Variants in DOCK1 observed in about 807,000 individuals in gnomAD.
The protein encoded by DOCK1 is dedicator of cytokinesis 1.
DOCK1 carries 138 observed loss-of-function variants against 262.7 expected under a neutral mutation model. The ratio of observed to expected loss-of-function variants is 0.53; its 90% CI spans 0.46 to 0.61. The LOEUF (loss-of-function observed/expected upper bound fraction) is 0.61, where lower values mean the gene tolerates loss of function less well. DOCK1 is among the 20% of genes least tolerant of loss of function. DOCK1 has a pLI of 0.00. For synonymous variants in DOCK1, 866 were observed against 867.4 expected (o/e 1.00, Z 0.03); for missense variants, 1,908 against 2,370.7 (o/e 0.80, Z 4.05).
intron 4 of DOCK1, among the ~76,000 whole-genome samples, chr10:126,985,541 GC>G (rs1565032328): frequency 6.6e-6 from 1 of 152,138 alleles, no homozygotes; most frequent in Non-Finnish European, 1.5e-5. Context: ...ATGCACTGAG[GC>G]CCTATTCACA....
At chr10:127,329,590 G>T in intron 29 of DOCK1, among the ~76,000 whole-genome samples, 1 of 151,936 alleles carries the variant, frequency 6.6e-6, no homozygotes, top group Non-Finnish European at 1.5e-5. Flanking sequence ...TTATTTGCCG[G>T]GATGGAGTCT....
chr10:127,255,931 T>C (rs138731555), intron 28 of DOCK1, among the ~76,000 whole-genome samples: 1 of 152,350 alleles, frequency 6.6e-6, no homozygotes, highest in East Asian at 1.9e-4. Context: ...TGAATTTCAA[T>C]AATTAAACTG....
intron 23 of DOCK1, among the ~76,000 whole-genome samples, chr10:127,088,233 T>C (rs2047314083): frequency 2.0e-5 from 3 of 152,232 alleles, no homozygotes. Flanking sequence ...CTTTTGTCCT[T>C]TTCGCTTATT....
At chr10:127,356,672 T>A (rs941031109) in intron 32 of DOCK1, among the ~76,000 whole-genome samples, 15 of 151,960 alleles carry the variant, frequency 9.9e-5, no homozygotes, top group Non-Finnish European at 2.1e-4. Context: ...GGGGGGCTGT[T>A]CTCTGTTGGA....
At chr10:127,186,488 T>C (rs1012428334) in intron 27 of DOCK1, among the ~76,000 whole-genome samples, 2 of 112,204 alleles carry the variant, frequency 1.8e-5, no homozygotes, top group Non-Finnish European at 3.3e-5. Flanking sequence ...ACAATCATGA[T>C]AACAGCATGG....
At chr10:127,356,321 G>T (rs149970812) in intron 32 of DOCK1, among the ~76,000 whole-genome samples, 2 of 152,218 alleles carry the variant, frequency 1.3e-5, no homozygotes, top group Non-Finnish European at 2.9e-5. Flanking sequence ...CGTGAGGCCT[G>T]ATTCACATGG....
intron 28 of DOCK1, among the ~76,000 whole-genome samples, chr10:127,252,627 C>G (rs2059691612): frequency 6.6e-6 from 1 of 150,700 alleles, no homozygotes. Context: ...TTCCCAGCAC[C>G]ATTTATTAAA....
chr10:127,348,385 T>A (rs1484116067), intron 31 of DOCK1, among the ~76,000 whole-genome samples: 2 of 152,222 alleles, frequency 1.3e-5, no homozygotes, highest in Non-Finnish European at 2.9e-5. Context: ...GCCAGCTTGA[T>A]AATTTTGTTA....
intron 40 of DOCK1, among the ~76,000 whole-genome samples, chr10:127,406,151 T>A (rs1029596029): frequency 6.6e-6 from 1 of 152,124 alleles, no homozygotes; most frequent in Non-Finnish European, 1.5e-5. Flanking sequence ...ATGGTGCGTG[T>A]GGCCCCTGTG....
chr10:127,000,667 C>T (rs1054716893), intron 10 of DOCK1: 33 of 179,036 alleles, frequency 1.8e-4, no homozygotes, highest in Middle Eastern at 2.4e-3. Flanking sequence ...GTCAAAGCAA[C>T]GAAGAAGAGG....
intron 27 of DOCK1, among the ~76,000 whole-genome samples, chr10:127,140,028 G>A (rs115456269): frequency 2.0e-5 from 3 of 152,132 alleles, no homozygotes; most frequent in African/African-American, 7.2e-5. Flanking sequence ...GTATAGAAGC[G>A]TAATTCTACC....
chr10:127,154,753 C>T (rs372477315), intron 27 of DOCK1, among the ~76,000 whole-genome samples: 1 of 152,236 alleles, frequency 6.6e-6, no homozygotes, highest in East Asian at 1.9e-4. Context: ...GTTGCTAATT[C>T]TCCCCCCTAA....
chr10:127,231,112 C>G (rs2058825698), intron 27 of DOCK1, among the ~76,000 whole-genome samples: 1 of 152,072 alleles, frequency 6.6e-6, no homozygotes, highest in Non-Finnish European at 1.5e-5. Flanking sequence ...TTTCATTAAA[C>G]AACCAGAAAT....
At chr10:127,395,463 G>A (rs1041377786) in intron 38 of DOCK1, among the ~76,000 whole-genome samples, 1 of 152,208 alleles carries the variant, frequency 6.6e-6, no homozygotes, top group Non-Finnish European at 1.5e-5. Context: ...CCTTGAAGGT[G>A]AGGATTTCAA....
At chr10:127,167,688 C>G (rs964028554) in intron 27 of DOCK1, among the ~76,000 whole-genome samples, 3 of 152,074 alleles carry the variant, frequency 2.0e-5, no homozygotes, top group Admixed American at 6.5e-5. Flanking sequence ...TGAACTAAAA[C>G]AAAATCCAGG....
At chr10:127,001,054 ACT>A (rs796160631) in intron 10 of DOCK1, 7 of 151,632 alleles carry the variant, frequency 4.6e-5, no homozygotes, top group African/African-American at 1.5e-4. Context: ...GTTCACTGTG[ACT>A]CTCATTTTTC....
At chr10:127,335,696 C>T (rs1458250986) in intron 29 of DOCK1, among the ~76,000 whole-genome samples, 1 of 148,388 alleles carries the variant, frequency 6.7e-6, no homozygotes, top group Non-Finnish European at 1.5e-5. Context: ...TACAGGTGCA[C>T]ACCACCAGGC....
intron 13 of DOCK1, among the ~76,000 whole-genome samples, chr10:127,022,695 C>A (rs549549549): frequency 8.3e-4 from 127 of 152,262 alleles, no homozygotes; most frequent in African/African-American, 3.0e-3. Context: ...CTCGCCTGGC[C>A]GGTCCTCATT....
chr10:127,056,940 C>T (rs2045197689), intron 22 of DOCK1, among the ~76,000 whole-genome samples: 1 of 152,162 alleles, frequency 6.6e-6, no homozygotes, highest in African/African-American at 2.4e-5. Context: ...CAGAAGTCTT[C>T]TAGTAATCCC....
Sources: gnomAD v4.1 joint callset for allele counts (sites outside exome capture counted in the v4.1 genomes callset) on GRCh38, gnomAD v4.1.1 for gene constraint, MANE v1.5 for transcripts, NCBI Gene and HGNC (gene_info 2026-07-23, HGNC 2026-07-21) for gene names.